Variants in LRRC74B observed in about 807,000 individuals in gnomAD.
LRRC74B encodes the protein leucine rich repeat containing 74B.
Under a neutral mutation model 16.6 loss-of-function variants are expected in LRRC74B, and 30 were observed. The observed-to-expected ratio is 1.80, with a 90% confidence interval of 1.35 to 2.45. The LOEUF (loss-of-function observed/expected upper bound fraction) is 2.45, where lower values mean the gene tolerates loss of function less well. Among genes scored for constraint, LRRC74B ranks in the 30% most tolerant of loss-of-function variants. LRRC74B has a pLI of 0.00. For synonymous variants in LRRC74B, 134 were observed against 86.0 expected (o/e 1.56, Z -3.09); for missense variants, 326 against 202.4 (o/e 1.61, Z -3.71).
chr22:21,050,159 C>T (rs1929889199), intron 4 of LRRC74B, among the ~76,000 whole-genome samples: 1 of 152,130 alleles, frequency 6.6e-6, no homozygotes. Context: ...GCCTCAGCCT[C>T]CTGAGTAGCT....
At chr22:21,055,680 T>A (rs1246749675) in intron 7 of LRRC74B, among the ~76,000 whole-genome samples, 1 of 152,048 alleles carries the variant, frequency 6.6e-6, no homozygotes, top group African/African-American at 2.4e-5. Flanking sequence ...CCACAGCAGG[T>A]ACGTGCTGGG....
chr22:21,060,276 C>T, intron 8 of LRRC74B, 97 bp from the exon 9 acceptor site: 3 of 622,196 alleles, frequency 4.8e-6, no homozygotes, highest in Non-Finnish European at 8.9e-6. Flanking sequence ...GAGAAGCTGC[C>T]CGAAGGAGCT....
chr22:21,054,307 G>A (rs376576393), intron 6 of LRRC74B, among the ~76,000 whole-genome samples: 72 of 152,372 alleles, frequency 4.7e-4, no homozygotes, highest in African/African-American at 1.5e-3. Context: ...GCCTAGTCTG[G>A]GTGGGGCAAG....
chr22:21,058,297 G>A (rs942131248), intron 8 of LRRC74B, among the ~76,000 whole-genome samples: 3 of 152,008 alleles, frequency 2.0e-5, no homozygotes, highest in South Asian at 4.2e-4. Flanking sequence ...ATCCCTTGAA[G>A]CCTAGAGTTC....
chr22:21,046,196 G>A, intron 1 of LRRC74B, 71 bp downstream of exon 1: 3 of 700,518 alleles, frequency 4.3e-6, no homozygotes, highest in Non-Finnish European at 7.9e-6. Flanking sequence ...TGGGGGAGGC[G>A]GGCTGGGGCT....
chr22:21,061,309 A>T (rs555269955), downstream of LRRC74B, among the ~76,000 whole-genome samples: 1 of 151,282 alleles, frequency 6.6e-6, no homozygotes, highest in Non-Finnish European at 1.5e-5. Flanking sequence ...CAAGAGCAAA[A>T]CTCTGTCTCA....
intron 6 of LRRC74B, chr22:21,054,042 A>T (rs1163328198): frequency 6.6e-6 from 1 of 152,264 alleles, no homozygotes; most frequent in Non-Finnish European, 1.5e-5. Context: ...AAGACGAGCC[A>T]GGGCCAGGTT....
chr22:21,061,279 T>C (rs1321370185), downstream of LRRC74B, among the ~76,000 whole-genome samples: 1 of 151,862 alleles, frequency 6.6e-6, no homozygotes, highest in African/African-American at 2.4e-5. Context: ...GTTCTCACCA[T>C]TGCACTCTAG....
intron 7 of LRRC74B, 106 bp downstream of exon 7, chr22:21,055,282 C>A: frequency 1.5e-6 from 1 of 658,934 alleles, no homozygotes; most frequent in Admixed American, 2.1e-5. Flanking sequence ...GGCAGGTGCA[C>A]ACAGGCTGGC....
At chr22:21,057,251 G>A (rs962229724) in intron 8 of LRRC74B, 51 bp downstream of exon 8, 2 of 699,782 alleles carry the variant, frequency 2.9e-6, no homozygotes, top group Non-Finnish European at 5.3e-6. Flanking sequence ...AGCCCTGTGA[G>A]GTATCATAAT....
chr22:21,048,105 C>T (rs1929643776), intron 3 of LRRC74B, 89 bp downstream of exon 3: 1 of 698,944 alleles, frequency 1.4e-6, no homozygotes. Flanking sequence ...GCCGTGTCAC[C>T]TGGGGCCTGC....
intron 3 of LRRC74B, chr22:21,048,572 A>C: frequency 3.2e-6 from 1 of 309,520 alleles, no homozygotes; most frequent in Non-Finnish European, 6.2e-6. Context: ...TGACCCATGT[A>C]CGTGCTCCAT....
At position 21,047,325 on chromosome 22, in the gene LRRC74B, G is replaced by C. The variant is rs1465818474; in HGVS notation, c.140-31G>C. On this transcript the variant is annotated intron_variant, in intron 1 of 8. Transcript: ENST00000442047. ...GACACAGGTGGCTGTAGCTGTGCAGGGTCCACATTCGTCCCCCTGTCTCCT... is the reference window on the plus strand; with the variant it reads ...GACACAGGTGGCTGTAGCTGTGCAGCGTCCACATTCGTCCCCCTGTCTCCT... 8 of 713,564 alleles carry C rather than the reference G, an allele frequency of 1.1e-5. No homozygotes were observed. The East Asian group carries it at 2.1e-4, about 19-fold the overall frequency. The allele number at this position is 713,564 out of a possible 1,614,324, so 44.2% of individuals were successfully genotyped here. A position where few individuals can be genotyped will look rare whatever the true frequency, so the allele number is the denominator to read the frequency against.
chr22:21,047,258 A>G (rs1168924288), intron 1 of LRRC74B, 98 bp from the exon 2 acceptor site: 1 of 633,920 alleles, frequency 1.6e-6, no homozygotes, highest in Non-Finnish European at 2.9e-6. Flanking sequence ...CAGTGCTTCT[A>G]GAGGCAAAAC....
exon 2 of LRRC74B, chr22:21,047,467 T>C (rs1929553923): frequency 1.4e-6 from 1 of 717,386 alleles, no homozygotes; most frequent in Non-Finnish European, 2.6e-6. Flanking sequence ...GCCCAAGAGC[T>C]GAACCTCCGG....
intron 1 of LRRC74B, among the ~76,000 whole-genome samples, chr22:21,046,352 G>A (rs1246517914): frequency 6.6e-6 from 1 of 152,208 alleles, no homozygotes; most frequent in African/African-American, 2.4e-5. Context: ...AATCAGAGCC[G>A]GGTTTTCCCA....
chr22:21,049,107 C>G (rs1929754031), exon 4 of LRRC74B: 1 of 716,258 alleles, frequency 1.4e-6, no homozygotes, highest in African/African-American at 1.7e-5. Flanking sequence ...CTGGCCCACA[C>G]AGACCTGAAG....
chr22:21,054,921 T>C (rs935477797), intron 6 of LRRC74B, among the ~76,000 whole-genome samples, 177 bp from the exon 7 acceptor site: 2 of 152,118 alleles, frequency 1.3e-5, no homozygotes, highest in African/African-American at 4.8e-5. Context: ...CTCTGAACGG[T>C]GTCATCTCCA....
intron 8 of LRRC74B, 41 bp from the exon 9 acceptor site, chr22:21,060,332 G>C (rs1930749090): frequency 1.6e-6 from 1 of 641,702 alleles, no homozygotes. Context: ...GAAGTTCTCA[G>C]ATAGTAACAA....
Sources: gnomAD v4.1 joint callset for allele counts (sites outside exome capture counted in the v4.1 genomes callset) on GRCh38, gnomAD v4.1.1 for gene constraint, MANE v1.5 for transcripts, NCBI Gene and HGNC (gene_info 2026-07-23, HGNC 2026-07-21) for gene names.